SYN3: variants seen among roughly 807,000 people sequenced by gnomAD.
The protein encoded by SYN3 is synapsin-3.
A neutral mutation model predicts 65.8 loss-of-function variants in SYN3; 35 were observed. The ratio of observed to expected loss-of-function variants is 0.53; its 90% CI spans 0.41 to 0.70. The LOEUF (loss-of-function observed/expected upper bound fraction) is 0.70. SYN3 is among the 30% of genes least tolerant of loss of function. The probability of loss-of-function intolerance (pLI) is 0.00; values close to 1 mark genes in which losing one functional copy is unlikely to be tolerated. For synonymous variants in SYN3, 270 were observed against 292.9 expected, an observed-to-expected ratio of 0.92 and a Z score of 0.80; for missense variants, 680 against 749.0, an observed-to-expected ratio of 0.91 and a Z score of 1.08.
intron 4 of SYN3, among the ~76,000 whole-genome samples, chr22:32,869,453 T>C (rs1194209340): frequency 6.6e-6 from 1 of 151,048 alleles, no homozygotes; most frequent in African/African-American, 2.4e-5. Context: ...TCAACCGAGA[T>C]TCTGCAAGGT....
intron 6 of SYN3, among the ~76,000 whole-genome samples, chr22:32,864,349 G>C (rs1194216538): frequency 1.3e-5 from 2 of 152,058 alleles, no homozygotes; most frequent in African/African-American, 2.4e-5. Flanking sequence ...ACCTCATTCA[G>C]AAAGACATTC....
chr22:32,511,486 A>T lies in SYN3; in HGVS notation c.*2206T>A, dbSNP rs549637033. Among the ~76,000 whole-genome samples the T allele has an allele frequency of 2.0e-5, 3 of 152,318 alleles. No individual in the cohort carries two copies. The East Asian group carries it at 5.8e-4, about 29-fold the overall frequency. ...GGCCAGACTAGTTCTGTTGCATTGCACAGGCTGAGCAAAAAGAAGGGAGAT... is the reference window on the plus strand; with the variant it reads ...GGCCAGACTAGTTCTGTTGCATTGCTCAGGCTGAGCAAAAAGAAGGGAGAT... On this transcript the variant is annotated 3_prime_UTR_variant, in exon 14 of 14. Transcript: ENST00000358763.
intron 13 of SYN3, among the ~76,000 whole-genome samples, chr22:32,514,043 G>A (rs1379719967): frequency 6.6e-6 from 1 of 152,160 alleles, no homozygotes; most frequent in Non-Finnish European, 1.5e-5. Flanking sequence ...AGAAATAGGG[G>A]TTCACAGAGT....
At chr22:32,884,682 T>A (rs576328174) in intron 4 of SYN3, among the ~76,000 whole-genome samples, 1 of 152,116 alleles carries the variant, frequency 6.6e-6, no homozygotes, top group African/African-American at 2.4e-5. Context: ...AGACAGACCA[T>A]CCTGGCCAAC....
chr22:32,994,102 C>T (rs957421400), intron 2 of SYN3, among the ~76,000 whole-genome samples: 5 of 151,990 alleles, frequency 3.3e-5, no homozygotes, highest in Admixed American at 1.3e-4. Flanking sequence ...GTAGACCTCA[C>T]GGAGAGGGGT....
chr22:32,900,927 C>T (rs545631483), intron 4 of SYN3, among the ~76,000 whole-genome samples: 129 of 152,252 alleles, frequency 8.5e-4, no homozygotes, highest in African/African-American at 2.1e-3. Flanking sequence ...ATGACGGCAG[C>T]GGAAATATTT....
chr22:32,634,196 AT>A (rs1307367575), intron 6 of SYN3, among the ~76,000 whole-genome samples: 1 of 152,220 alleles, frequency 6.6e-6, no homozygotes, highest in African/African-American at 2.4e-5. Context: ...TGTTGTATAG[AT>A]AAGGAAACTG....
intron 10 of SYN3, among the ~76,000 whole-genome samples, chr22:32,532,550 C>T (rs1489569891): frequency 6.6e-6 from 1 of 152,284 alleles, no homozygotes; most frequent in African/African-American, 2.4e-5. Context: ...GCAGCTCTTC[C>T]TGCAGGAGCT....
intron 7 of SYN3, among the ~76,000 whole-genome samples, chr22:32,589,974 A>G (rs1458846356): frequency 6.6e-6 from 1 of 152,162 alleles, no homozygotes; most frequent in Non-Finnish European, 1.5e-5. Flanking sequence ...CATAGATCCT[A>G]AGAGTGAATT....
intron 6 of SYN3, among the ~76,000 whole-genome samples, chr22:32,766,969 G>A (rs1013401931): frequency 3.9e-5 from 6 of 152,124 alleles, no homozygotes; most frequent in African/African-American, 7.2e-5. Context: ...GACCATTTGC[G>A]ACCCCATGGT....
intron 6 of SYN3, among the ~76,000 whole-genome samples, chr22:32,598,159 T>C (rs1256215530): frequency 1.3e-5 from 2 of 152,142 alleles, no homozygotes; most frequent in Non-Finnish European, 2.9e-5. Context: ...GTCTGTCCTC[T>C]TACACTGTGG....
intron 4 of SYN3, among the ~76,000 whole-genome samples, chr22:32,917,776 G>T (rs565553465): frequency 6.6e-6 from 1 of 152,238 alleles, no homozygotes; most frequent in Non-Finnish European, 1.5e-5. Flanking sequence ...CAGATCTGCC[G>T]CTGGCCTGTT....
At chr22:32,814,339 G>GAAAGGAAGAAAGAA (rs369652077) in intron 6 of SYN3, among the ~76,000 whole-genome samples, 1 of 10,354 alleles carries the variant, frequency 9.7e-5, no homozygotes, top group African/African-American at 2.0e-4. Context: ...AAGAAAGAAA[G>GAAAGGAAGAAAGAA]AGAAAGAAAG....
chr22:32,969,700 A>T (rs1475705200), intron 3 of SYN3, among the ~76,000 whole-genome samples: 1 of 152,166 alleles, frequency 6.6e-6, no homozygotes, highest in Non-Finnish European at 1.5e-5. Flanking sequence ...CAGCTGTTAA[A>T]CAAGGGAGCA....
intron 6 of SYN3, among the ~76,000 whole-genome samples, chr22:32,804,342 GT>G (rs1475716170): frequency 6.6e-6 from 1 of 152,164 alleles, no homozygotes; most frequent in East Asian, 1.9e-4. Flanking sequence ...TGGCTCCCAA[GT>G]TTCATTGCTC....
At chr22:32,948,307 T>C (rs1266947435) in intron 3 of SYN3, among the ~76,000 whole-genome samples, 1 of 152,140 alleles carries the variant, frequency 6.6e-6, no homozygotes, top group Non-Finnish European at 1.5e-5. Context: ...ATAGACACTG[T>C]AGCGGGCTAC....
At chr22:32,936,520 A>C (rs1167569047) in intron 3 of SYN3, among the ~76,000 whole-genome samples, 2 of 152,140 alleles carry the variant, frequency 1.3e-5, no homozygotes, top group African/African-American at 4.8e-5. Flanking sequence ...CAAACAAAAA[A>C]CCTCACAAAC....
At chr22:32,650,107 C>T (rs28622506) in intron 6 of SYN3, among the ~76,000 whole-genome samples, 20 of 152,254 alleles carry the variant, frequency 1.3e-4, no homozygotes, top group African/African-American at 3.4e-4. Flanking sequence ...ATAAGACAGA[C>T]GCAATCTCAA....
intron 1 of SYN3, among the ~76,000 whole-genome samples, chr22:33,053,621 G>T (rs559192000): frequency 1.3e-5 from 2 of 152,148 alleles, no homozygotes; most frequent in African/African-American, 4.8e-5. Context: ...TGGGAGGAAC[G>T]GGGAAATGAA....
Sources: allele counts gnomAD v4.1 joint callset (sites outside exome capture counted in the v4.1 genomes callset), GRCh38; gene constraint gnomAD v4.1.1; transcripts MANE v1.5; gene names NCBI Gene and HGNC (gene_info 2026-07-23, HGNC 2026-07-21).